Variants in TBXAS1 observed in about 807,000 individuals in gnomAD.
The protein encoded by TBXAS1 is thromboxane-A synthase.
A neutral mutation model predicts 60.7 loss-of-function variants in TBXAS1; 48 were observed. The observed-to-expected ratio is 0.79, with a 90% confidence interval of 0.63 to 1.01. The LOEUF (loss-of-function observed/expected upper bound fraction) is 1.01, where lower values mean the gene tolerates loss of function less well. Among genes scored for constraint, TBXAS1 ranks in the 50% least tolerant of loss-of-function variants. TBXAS1 has a pLI of 0.00. For missense variants in TBXAS1, 685 were observed against 686.3 expected, an observed-to-expected ratio of 1.00 and a Z score of 0.02; for synonymous variants, 287 against 269.7, an observed-to-expected ratio of 1.06 and a Z score of -0.63.
intron 3 of TBXAS1, among the ~76,000 whole-genome samples, chr7:139,888,289 C>G (rs1388158451): frequency 6.6e-6 from 1 of 152,162 alleles, no homozygotes; most frequent in Non-Finnish European, 1.5e-5. Flanking sequence ...TCCAAGTTTC[C>G]TCTTTCCCAC....
chr7:139,877,977 A>G (rs966787691), intron 3 of TBXAS1, among the ~76,000 whole-genome samples: 2 of 152,122 alleles, frequency 1.3e-5, no homozygotes, highest in Non-Finnish European at 2.9e-5. Flanking sequence ...CTGAGTTTGA[A>G]TTCTAGGAAC....
At chr7:139,856,844 A>G (rs560902878) in intron 1 of TBXAS1, among the ~76,000 whole-genome samples, 9 of 152,320 alleles carry the variant, frequency 5.9e-5, no homozygotes, top group African/African-American at 2.2e-4. Flanking sequence ...AAGGGGCAGC[A>G]TCAGGTGGCA....
At chr7:140,012,853 C>A (rs1569525083) in intron 10 of TBXAS1, among the ~76,000 whole-genome samples, 1 of 152,124 alleles carries the variant, frequency 6.6e-6, no homozygotes. Context: ...CTCTCCACCT[C>A]GAATTTTGTT....
intron 9 of TBXAS1, among the ~76,000 whole-genome samples, chr7:139,984,752 G>C (rs1812271356): frequency 1.2e-5 from 1 of 83,102 alleles, no homozygotes; most frequent in African/African-American, 4.6e-5. Context: ...AAAAAGAAAA[G>C]AAAGAAAGAA....
At chr7:139,990,791 CA>C (rs1191410589) in intron 9 of TBXAS1, among the ~76,000 whole-genome samples, 1 of 151,858 alleles carries the variant, frequency 6.6e-6, no homozygotes, top group Non-Finnish European at 1.5e-5. Context: ...TACGATCCTG[CA>C]AAAACCCCTC....
intron 1 of TBXAS1, among the ~76,000 whole-genome samples, chr7:139,850,415 A>T (rs1800137184): frequency 6.6e-6 from 1 of 152,248 alleles, no homozygotes; most frequent in Non-Finnish European, 1.5e-5. Flanking sequence ...GTCTTCTTTC[A>T]TCAAGGTCAG....
At chr7:139,971,190 G>A (rs1811166938) in intron 9 of TBXAS1, among the ~76,000 whole-genome samples, 1 of 152,088 alleles carries the variant, frequency 6.6e-6, no homozygotes, top group Non-Finnish European at 1.5e-5. Flanking sequence ...CTAATATCAG[G>A]GCACTAATAT....
intron 4 of TBXAS1, among the ~76,000 whole-genome samples, chr7:139,789,938 A>G (rs1648217372): frequency 6.6e-6 from 1 of 151,936 alleles, no homozygotes; most frequent in Non-Finnish European, 1.5e-5. Context: ...GCCTAAACAT[A>G]TTTTCTTCTA....
At chr7:139,822,858 A>C (rs147473102) in intron 4 of TBXAS1, among the ~76,000 whole-genome samples, 9 of 152,234 alleles carry the variant, frequency 5.9e-5, no homozygotes, top group African/African-American at 2.2e-4. Flanking sequence ...GCTGGTCCTC[A>C]TGTCAGGTAG....
chr7:139,877,173 A>C (rs1276353753), intron 3 of TBXAS1, among the ~76,000 whole-genome samples: 1 of 152,226 alleles, frequency 6.6e-6, no homozygotes, highest in Non-Finnish European at 1.5e-5. Flanking sequence ...TTGATGGAGC[A>C]GGGAGGTGTA....
chr7:139,932,121 C>T (rs929795295), intron 4 of TBXAS1, among the ~76,000 whole-genome samples: 4 of 145,664 alleles, frequency 2.7e-5, no homozygotes, highest in African/African-American at 7.8e-5. Context: ...GATCCAAGAT[C>T]GCACCATTGC....
intron 12 of TBXAS1, among the ~76,000 whole-genome samples, chr7:140,018,564 C>G (rs368314851): frequency 9.9e-5 from 15 of 152,156 alleles, no homozygotes; most frequent in East Asian, 3.8e-4. Context: ...ATCTCCCCCC[C>G]ACATCACACA....
intron 4 of TBXAS1, among the ~76,000 whole-genome samples, chr7:139,791,590 G>A (rs1354880761): frequency 6.6e-6 from 1 of 152,192 alleles, no homozygotes; most frequent in East Asian, 1.9e-4. Flanking sequence ...ATATTCGTGA[G>A]AGGATTAAGT....
At chr7:139,784,974 C>T (rs1445780728) in intron 3 of TBXAS1, among the ~76,000 whole-genome samples, 1 of 152,152 alleles carries the variant, frequency 6.6e-6, no homozygotes, top group Non-Finnish European at 1.5e-5. Flanking sequence ...CTGCCTGCAT[C>T]GAAGGGGCTT....
chr7:139,958,139 A>G lies in TBXAS1; in HGVS notation c.819+375A>G, dbSNP rs568624083. Among the ~76,000 whole-genome samples the G allele has an allele frequency of 1.3e-4, 20 of 152,248 alleles. No homozygotes were observed. In the East Asian group the frequency reaches 3.9e-3, roughly 29 times the overall value. On this transcript the variant is annotated intron_variant, in intron 8 of 12. Transcript: ENST00000448866. ...TGCAATTTTCATGAGCATATTCTTT[A>G]TATTGAAAACCCAGCAAGATGGAGT...
chr7:139,948,516 C>CT (rs937592454), intron 5 of TBXAS1, among the ~76,000 whole-genome samples: 10 of 152,136 alleles, frequency 6.6e-5, no homozygotes, highest in African/African-American at 2.4e-4. Flanking sequence ...CAATAAATCA[C>CT]TTTTTTTAAA....
chr7:139,963,383 C>G (rs1810522275), intron 9 of TBXAS1, among the ~76,000 whole-genome samples: 1 of 152,194 alleles, frequency 6.6e-6, no homozygotes, highest in South Asian at 2.1e-4. Context: ...ATTCCTCCAG[C>G]CTCGTGTCAT....
chr7:139,867,452 C>T (rs935101162), intron 1 of TBXAS1, among the ~76,000 whole-genome samples: 2 of 152,152 alleles, frequency 1.3e-5, no homozygotes, highest in Admixed American at 1.3e-4. Context: ...TGTGATTCAT[C>T]AAAATACCAA....
At chr7:139,922,761 G>A (rs865822049) in intron 4 of TBXAS1, among the ~76,000 whole-genome samples, 1 of 152,018 alleles carries the variant, frequency 6.6e-6, no homozygotes, top group Non-Finnish European at 1.5e-5. Flanking sequence ...TCTCACTATT[G>A]GGACTATGAT....
Sources: allele counts gnomAD v4.1 joint callset (sites outside exome capture counted in the v4.1 genomes callset), GRCh38; gene constraint gnomAD v4.1.1; transcripts MANE v1.5; gene names NCBI Gene and HGNC (gene_info 2026-07-23, HGNC 2026-07-21).